Variants in RCAN1 observed in about 807,000 individuals in gnomAD.
RCAN1 encodes the protein regulator of calcineurin 1.
In RCAN1, 11 loss-of-function variants were observed where a neutral mutation model predicts 22.9. The ratio of observed to expected loss-of-function variants is 0.48; its 90% confidence interval spans 0.30 to 0.79. RCAN1 has a LOEUF of 0.79. Ranked by LOEUF, RCAN1 falls within the 30% of genes least tolerant of loss-of-function variation. The pLI is 0.06. For synonymous variants in RCAN1, 136 were observed against 142.3 expected (o/e 0.96, Z 0.32); for missense variants, 291 against 337.8 (o/e 0.86, Z 1.09).
chr21:34,558,248 TGCCCTGCTACCCGGTGCAGGA>T (rs979398822), intron 1 of RCAN1, among the ~76,000 whole-genome samples: 2 of 152,020 alleles, frequency 1.3e-5, no homozygotes, highest in African/African-American at 4.8e-5. Flanking sequence ...GCAGCTGGGG[TGCCCTGCTACCCGGTGCAGGA>T]GCCCTGCACC....
At chr21:34,544,935 A>G (rs913462483) in intron 1 of RCAN1, among the ~76,000 whole-genome samples, 3 of 152,176 alleles carry the variant, frequency 2.0e-5, no homozygotes, top group Non-Finnish European at 1.5e-5. Context: ...TCCAAGATCT[A>G]TCCTTGAAGG....
At chr21:34,565,615 T>C (rs1986974849) in intron 1 of RCAN1, among the ~76,000 whole-genome samples, 1 of 152,214 alleles carries the variant, frequency 6.6e-6, no homozygotes, top group African/African-American at 2.4e-5. Context: ...GTATATGTAT[T>C]GAACAAACTG....
chr21:34,553,571 T>C (rs1055228616), intron 1 of RCAN1, among the ~76,000 whole-genome samples: 1 of 152,218 alleles, frequency 6.6e-6, no homozygotes, highest in Admixed American at 6.5e-5. Flanking sequence ...ATGAAGCTTA[T>C]TCCACATAAA....
Position 34,573,509 on chromosome 21 carries a change from T to C in RCAN1, c.252+41251A>G, listed in dbSNP as rs577555379. ...CAACTGGTCCCACTACAAATGCAGA[T>C]AGGTCTTCAAGGCTCTGGGTCAAAC... On this transcript the variant is annotated intron_variant, in intron 1 of 3. Coordinates refer to ENST00000313806, the MANE Select transcript of RCAN1 (RefSeq NM_004414.7). 1.2e-4 allele frequency among the ~76,000 whole-genome samples: 19 copies of C among 152,288 alleles called. 1 individual carries two copies. The highest frequency in any genetic ancestry group is 6.2e-4 in the South Asian group (3 of 4,816).
At chr21:34,602,283 C>T (rs747048279) in intron 1 of RCAN1, among the ~76,000 whole-genome samples, 1 of 151,928 alleles carries the variant, frequency 6.6e-6, no homozygotes, top group African/African-American at 2.4e-5. Flanking sequence ...AAATGCAACA[C>T]AGAATGCTCT....
chr21:34,527,476 T>C (rs1192942327), intron 1 of RCAN1, among the ~76,000 whole-genome samples: 1 of 152,254 alleles, frequency 6.6e-6, no homozygotes. Context: ...TGTCCCAATT[T>C]CTACTTGTAT....
chr21:34,544,769 C>T (rs1184484558), intron 1 of RCAN1, among the ~76,000 whole-genome samples: 1 of 152,210 alleles, frequency 6.6e-6, no homozygotes, highest in African/African-American at 2.4e-5. Context: ...CCCAGCCCTG[C>T]TGTCAGGAAG....
At chr21:34,554,519 GC>G (rs1311197587) in intron 1 of RCAN1, among the ~76,000 whole-genome samples, 3 of 152,176 alleles carry the variant, frequency 2.0e-5, no homozygotes, top group Non-Finnish European at 2.9e-5. Context: ...CAGGGATGGT[GC>G]TTTTAACATC....
rs1384230275 is a variant in RCAN1 at position 34,591,720 on chromosome 21, G to A, written c.252+23040C>T. 3.3e-5 allele frequency among the ~76,000 whole-genome samples: 5 copies of A among 152,320 alleles called. No individual in the cohort carries two copies. In the East Asian group the frequency reaches 5.8e-4, roughly 18 times the overall value. ...ATAAAGGACTCTGAGATTCTCGCAT[G>A]GTGGATCCATATGTTGCGCTAATAC... On this transcript the variant is annotated intron_variant, in intron 1 of 3. Coordinates refer to ENST00000313806, the MANE Select transcript of RCAN1 (RefSeq NM_004414.7).
At chr21:34,569,623 G>A (rs1017676345) in intron 1 of RCAN1, among the ~76,000 whole-genome samples, 7 of 152,100 alleles carry the variant, frequency 4.6e-5, no homozygotes, top group Admixed American at 3.3e-4. Context: ...TTTCAGGATG[G>A]AGTGCCTGAT....
chr21:34,558,971 C>T (rs750037432), intron 1 of RCAN1, among the ~76,000 whole-genome samples: 69 of 152,328 alleles, frequency 4.5e-4, no homozygotes, highest in Non-Finnish European at 7.8e-4. Flanking sequence ...GGTATTAGCA[C>T]TCAAGTGTAT....
At chr21:34,520,833 C>T (rs75083220) in intron 3 of RCAN1, among the ~76,000 whole-genome samples, 13,141 of 152,278 alleles carry the variant, frequency 0.086, 647 homozygotes, top group African/African-American at 0.13. Context: ...ATCTCATCTA[C>T]TGCTCACAAT....
chr21:34,566,979 C>T (rs577408055), intron 1 of RCAN1, among the ~76,000 whole-genome samples: 9 of 152,278 alleles, frequency 5.9e-5, no homozygotes, highest in Non-Finnish European at 1.0e-4. Context: ...TCCCACCAGG[C>T]CTCCCTGCAA....
chr21:34,548,654 A>G (rs1047641090), intron 1 of RCAN1, among the ~76,000 whole-genome samples: 1 of 152,242 alleles, frequency 6.6e-6, no homozygotes, highest in African/African-American at 2.4e-5. Context: ...CTGTATTGTG[A>G]TAACATTGAT....
intron 1 of RCAN1, among the ~76,000 whole-genome samples, chr21:34,530,683 G>T (rs1985348138): frequency 7.3e-6 from 1 of 137,842 alleles, no homozygotes. Flanking sequence ...GGAGTGCAAT[G>T]GCGTGATCTT....
intron 1 of RCAN1, among the ~76,000 whole-genome samples, chr21:34,533,309 C>A (rs2123608274): frequency 6.6e-6 from 1 of 152,306 alleles, no homozygotes; most frequent in East Asian, 1.9e-4. Flanking sequence ...CTACCTCTGT[C>A]CCTGTCCACT....
At chr21:34,531,021 C>T (rs1057141614) in intron 1 of RCAN1, among the ~76,000 whole-genome samples, 8 of 152,206 alleles carry the variant, frequency 5.3e-5, no homozygotes, top group African/African-American at 1.7e-4. Context: ...TGCTCTCTTC[C>T]TCATCTTTAC....
At chr21:34,587,716 C>T (rs1341164840) in intron 1 of RCAN1, among the ~76,000 whole-genome samples, 1 of 152,110 alleles carries the variant, frequency 6.6e-6, no homozygotes, top group Non-Finnish European at 1.5e-5. Context: ...AGAATAGAAA[C>T]AACAATAAAA....
chr21:34,536,226 G>A (rs1193236396), intron 1 of RCAN1, among the ~76,000 whole-genome samples: 1 of 152,200 alleles, frequency 6.6e-6, no homozygotes, highest in Non-Finnish European at 1.5e-5. Flanking sequence ...GATTAGGGGA[G>A]GCAACATTTA....
Sources: allele counts gnomAD v4.1 joint callset (sites outside exome capture counted in the v4.1 genomes callset), GRCh38; gene constraint gnomAD v4.1.1; transcripts MANE v1.5; gene names NCBI Gene and HGNC (gene_info 2026-07-23, HGNC 2026-07-21).